DEGS1: variants seen among roughly 807,000 people sequenced by gnomAD.
The protein encoded by DEGS1 is sphingolipid delta(4)-desaturase DES1.
In DEGS1, 17 loss-of-function variants were observed where a neutral mutation model predicts 24.1. That is an observed-to-expected ratio of 0.70 (90% CI 0.48 to 1.06). DEGS1 has a LOEUF of 1.06. Among genes scored for constraint, DEGS1 ranks in the 50% least tolerant of loss-of-function variants. The probability of loss-of-function intolerance (pLI) is 0.00; values close to 1 mark genes in which losing one functional copy is unlikely to be tolerated. For missense variants in DEGS1, 366 were observed against 408.9 expected, an observed-to-expected ratio of 0.90 and a Z score of 0.91; for synonymous variants, 134 against 140.0, an observed-to-expected ratio of 0.96 and a Z score of 0.30.
At chr1:224,183,563 C>A (rs1463720844) in intron 1 of DEGS1, 145 bp downstream of exon 1, 10 of 546,630 alleles carry the variant, frequency 1.8e-5, no homozygotes, top group Non-Finnish European at 2.7e-5. Flanking sequence ...CCGCTCGGGC[C>A]GCCAGCCCGC....
chr1:224,193,383 C>A lies in DEGS1; in HGVS notation c.*905C>A, dbSNP rs187691165. On this transcript the variant is annotated 3_prime_UTR_variant, in exon 3 of 3. Coordinates refer to ENST00000323699, the MANE Select transcript of DEGS1 (RefSeq NM_003676.4). ...TATATGGGACCCGAATTAGACACTG[C>A]TGAATCCTGTACAGCCTTACTCATA... The A allele has an allele frequency of 6.6e-5, 10 of 152,350 alleles. No individual in the cohort carries two copies. Among genetic ancestry groups the A allele is most frequent in the African/African-American group, 2.4e-4 (10 of 41,582 alleles). 9.4% of individuals were successfully genotyped at this position (152,350 alleles called of 1,614,324 possible). A position where few individuals can be genotyped will look rare whatever the true frequency, so the allele number is the denominator to read the frequency against.
intron 2 of DEGS1, among the ~76,000 whole-genome samples, chr1:224,191,958 T>C (rs1658546851): frequency 6.6e-6 from 1 of 152,172 alleles, no homozygotes; most frequent in Non-Finnish European, 1.5e-5. Flanking sequence ...AGTTCCTGGA[T>C]GGCAGGGATC....
At chr1:224,188,674 C>T (rs1310614575) in intron 1 of DEGS1, among the ~76,000 whole-genome samples, 1 of 152,134 alleles carries the variant, frequency 6.6e-6, no homozygotes, top group Non-Finnish European at 1.5e-5. Context: ...ATCCTTTGCC[C>T]ATTTTTTAAT....
chr1:224,190,653 A>C (rs1227372796), intron 2 of DEGS1, among the ~76,000 whole-genome samples: 1 of 151,290 alleles, frequency 6.6e-6, no homozygotes, highest in African/African-American at 2.4e-5. Flanking sequence ...CTTCCAGCCT[A>C]CTTTTACAAA....
At chr1:224,190,467 C>A in intron 2 of DEGS1, 148 bp downstream of exon 2, 1 of 624,192 alleles carries the variant, frequency 1.6e-6, no homozygotes, top group Non-Finnish European at 2.5e-6. Context: ...AAACGATTCT[C>A]ATGCCTCAGT....
chr1:224,192,557 C>CA lies in DEGS1; in HGVS notation c.*80dup. The CA allele has an allele frequency of 7.3e-7, 1 of 1,368,572 alleles. No individual in the cohort carries two copies. The highest frequency in any genetic ancestry group is 1.0e-6 in the Non-Finnish European group (1 of 1,000,986). 84.8% of individuals were successfully genotyped at this position (1,368,572 alleles called of 1,614,324 possible). A position where few individuals can be genotyped will look rare whatever the true frequency, so the allele number is the denominator to read the frequency against. On this transcript the variant is annotated 3_prime_UTR_variant, in exon 3 of 3. Transcript: ENST00000323699. ...ATTTTTGCATTATTAAACTTGAGAC[C>CA]AGTGATGCTCAGAAGCTCCCCTGGC...
At chr1:224,186,520 T>C (rs1658396740) in intron 1 of DEGS1, among the ~76,000 whole-genome samples, 1 of 152,064 alleles carries the variant, frequency 6.6e-6, no homozygotes, top group Admixed American at 6.6e-5. Flanking sequence ...GAGACCATCC[T>C]GGCTAACACG....
At chr1:224,188,980 G>C (rs1190568619) in intron 1 of DEGS1, among the ~76,000 whole-genome samples, 1 of 152,090 alleles carries the variant, frequency 6.6e-6, no homozygotes, top group East Asian at 1.9e-4. Flanking sequence ...GTTCATTTTT[G>C]TGTATGGTGT....
At chr1:224,187,307 C>CA (rs969001596) in intron 1 of DEGS1, among the ~76,000 whole-genome samples, 368 of 136,414 alleles carry the variant, frequency 2.7e-3, no homozygotes, top group African/African-American at 6.4e-3. Context: ...GACTCCGTCT[C>CA]AAAAAAAAAA....
chr1:224,191,739 C>T (rs189910528), intron 2 of DEGS1, among the ~76,000 whole-genome samples: 69 of 151,692 alleles, frequency 4.5e-4, no homozygotes, highest in South Asian at 1.3e-3. Flanking sequence ...GGACTACAGG[C>T]GCACGCCACC....
At position 224,190,308 on chromosome 1, in the gene DEGS1, A is replaced by C; in HGVS notation, c.814A>C (p.Ser272Arg). Reference sequence around the variant, plus strand: ...TGATTTCCCCAACATTCCTGGAAAAAGTCTTCCACTGGTAAGTAAAGGATT... The same window carrying C: ...TGATTTCCCCAACATTCCTGGAAAACGTCTTCCACTGGTAAGTAAAGGATT... ...HHDFPNIPGK[S>R]LPLVRKIAAE... The change falls in exon 2 of 3, where the codon AGT (serine) becomes CGT (arginine). Residue 272 changes from serine (S) to arginine (R), a missense_variant. Coordinates refer to ENST00000323699, the MANE Select transcript of DEGS1 (RefSeq NM_003676.4). The C allele has an allele frequency of 6.7e-7, 1 of 1,490,690 alleles. No homozygotes were observed. The highest frequency in any genetic ancestry group is 2.3e-5 in the East Asian group (1 of 42,726). The allele number at this position is 1,490,690 out of a possible 1,614,324, so 92.3% of individuals were successfully genotyped here.
intron 1 of DEGS1, among the ~76,000 whole-genome samples, chr1:224,184,342 C>T (rs1270076788): frequency 6.6e-6 from 1 of 152,136 alleles, no homozygotes; most frequent in African/African-American, 2.4e-5. Flanking sequence ...CAATTTCATC[C>T]TCTTGGTAAT....
rs764663261 is a variant in DEGS1 at position 224,190,092 on chromosome 1, A to T, written c.598A>T (p.Ile200Phe). Residue 200 changes from isoleucine (I) to phenylalanine (F), a missense_variant, in exon 2 of 3, where the codon ATT (isoleucine) becomes TTT (phenylalanine). Transcript: ENST00000323699. ...GGCACAGGTCACTTTTGACATTTTA[A>T]TTTATTACTTTTTGGGAATTAAATC... Reference protein sequence around the residue: ...TVAQVTFDILIYYFLGIKSLV... With the variant: ...TVAQVTFDILFYYFLGIKSLV... The T allele has an allele frequency of 1.2e-6, 2 of 1,613,682 alleles. No homozygotes were observed. The highest frequency in any genetic ancestry group is 2.2e-5 in the South Asian group (2 of 90,960).
chr1:224,186,437 G>T (rs1658393643), intron 1 of DEGS1, among the ~76,000 whole-genome samples: 1 of 152,162 alleles, frequency 6.6e-6, no homozygotes, highest in African/African-American at 2.4e-5. Context: ...TTCTTGGCCG[G>T]GCATGGTGGC....
Position 224,183,402 on chromosome 1 carries a change from G to A in DEGS1, c.66G>A (p.Arg22=). 3 of 1,428,048 alleles carry A rather than the reference G, an allele frequency of 2.1e-6. No individual in the cohort carries two copies. The highest frequency in any genetic ancestry group is 2.8e-6 in the Non-Finnish European group (3 of 1,080,956). 88.5% of individuals were successfully genotyped at this position (1,428,048 alleles called of 1,614,324 possible). A position where few individuals can be genotyped will look rare whatever the true frequency, so the allele number is the denominator to read the frequency against. Residue 22 remains arginine (R), a synonymous_variant, in exon 1 of 3, where the codon CGG becomes CGA. Coordinates refer to ENST00000323699, the MANE Select transcript of DEGS1 (RefSeq NM_003676.4). ...ACACCGACCAGCCGCACGCCGACCG[G>A]CGCCGGGAGATCCTGGGTGAGGGCC... ...WVYTDQPHAD[R]RREILAKYPE...
intron 1 of DEGS1, among the ~76,000 whole-genome samples, chr1:224,186,236 A>G (rs1658387539): frequency 6.6e-6 from 1 of 151,808 alleles, no homozygotes; most frequent in Admixed American, 6.6e-5. Flanking sequence ...TGAGCTGGGG[A>G]GGTAGAGGCT....
Position 224,189,682 on chromosome 1 carries a change from A to T in DEGS1, c.188A>T (p.Asp63Val). Residue 63 changes from aspartate (D) to valine (V), a missense_variant, in exon 2 of 3, where the codon GAC becomes GTC. Transcript: ENST00000323699. The stretch of plus-strand genomic sequence containing the variant: ...TTGGGTGCATTTTACATAGTAAAAG[A>T]CTTGGACTGGAAATGGGTCATATTT... Reference protein sequence around the residue: ...TQLGAFYIVKDLDWKWVIFGA... With the variant: ...TQLGAFYIVKVLDWKWVIFGA... 1 of 1,614,182 alleles carries T rather than the reference A, an allele frequency of 6.2e-7. No individual in the cohort carries two copies. The highest frequency in any genetic ancestry group is 8.5e-7 in the Non-Finnish European group (1 of 1,180,022).
chr1:224,188,645 T>A (rs922108892), intron 1 of DEGS1, among the ~76,000 whole-genome samples: 6 of 152,208 alleles, frequency 3.9e-5, no homozygotes, highest in Non-Finnish European at 7.3e-5. Flanking sequence ...CCGTATCTTT[T>A]GGAGAAAAGT....
chr1:224,191,803 G>A (rs1658543016), intron 2 of DEGS1, among the ~76,000 whole-genome samples: 1 of 151,808 alleles, frequency 6.6e-6, no homozygotes, highest in African/African-American at 2.4e-5. Flanking sequence ...CACCATATTG[G>A]TTAGGCTGGT....
Sources: gnomAD v4.1 joint callset for allele counts (sites outside exome capture counted in the v4.1 genomes callset) on GRCh38, gnomAD v4.1.1 for gene constraint, MANE v1.5 for transcripts, NCBI Gene and HGNC (gene_info 2026-07-23, HGNC 2026-07-21) for gene names.